MAPK10: variants seen among roughly 807,000 people sequenced by gnomAD.
MAPK10 encodes JNK3 alpha protein kinase.
Under a neutral mutation model 59.3 loss-of-function variants are expected in MAPK10, and 25 were observed. The ratio of observed to expected loss-of-function variants is 0.42; its 90% CI spans 0.31 to 0.59. The LOEUF (loss-of-function observed/expected upper bound fraction) is 0.59. Ranked by LOEUF, MAPK10 falls within the 20% of genes least tolerant of loss-of-function variation. MAPK10 has a pLI of 0.15. For missense variants in MAPK10, 351 were observed against 568.9 expected, an observed-to-expected ratio of 0.62 and a Z score of 3.90; for synonymous variants, 190 against 200.5, an observed-to-expected ratio of 0.95 and a Z score of 0.44.
intron 1 of MAPK10, among the ~76,000 whole-genome samples, chr4:86,392,152 C>A (rs769746716): frequency 1.3e-5 from 2 of 152,046 alleles, no homozygotes. Context: ...GAGGATTCAG[C>A]GTATGGCCAG....
chr4:86,154,255 G>A (rs988195175), intron 4 of MAPK10, among the ~76,000 whole-genome samples: 1 of 151,980 alleles, frequency 6.6e-6, no homozygotes, highest in African/African-American at 2.4e-5. Flanking sequence ...CATATTCTGT[G>A]CTTAAAGATC....
rs1741855033 is a variant in MAPK10 at position 86,013,037 on chromosome 4, A to G, written c.*4191T>C. The stretch of plus-strand genomic sequence containing the variant: ...AAGGATTGGGAGATTTGTGTCCATT[A>G]GAATATACTGGCCATTGGTCCCACA... On this transcript the variant is annotated 3_prime_UTR_variant, in exon 14 of 14. Coordinates refer to ENST00000641462, the MANE Select transcript of MAPK10 (RefSeq NM_138982.4). 6.6e-6 allele frequency: 1 copy of G among 152,200 alleles called. No individual in the cohort carries two copies. Among genetic ancestry groups the G allele is most frequent in the African/African-American group, 2.4e-5 (1 of 41,462 alleles). 9.4% of individuals were successfully genotyped at this position (152,200 alleles called of 1,614,324 possible).
chr4:86,114,205 A>G (rs1353642436), intron 4 of MAPK10, among the ~76,000 whole-genome samples: 1 of 152,180 alleles, frequency 6.6e-6, no homozygotes, highest in Non-Finnish European at 1.5e-5. Flanking sequence ...CCTTTTGAAG[A>G]CTACTTCTGT....
At chr4:86,467,172 A>G (rs1752274301) in intron 1 of MAPK10, among the ~76,000 whole-genome samples, 2 of 152,374 alleles carry the variant, frequency 1.3e-5, no homozygotes, top group South Asian at 4.1e-4. Context: ...ATAGAAGGCC[A>G]CTGTATTGAA....
chr4:86,055,772 CA>C (rs917072172), intron 11 of MAPK10, among the ~76,000 whole-genome samples: 8 of 148,314 alleles, frequency 5.4e-5, no homozygotes, highest in East Asian at 1.9e-4. Flanking sequence ...AAATTTCTAC[CA>C]AAAAAAATCC....
At chr4:86,207,188 T>A (rs2084307914) in intron 2 of MAPK10, among the ~76,000 whole-genome samples, 1 of 151,514 alleles carries the variant, frequency 6.6e-6, no homozygotes, top group Non-Finnish European at 1.5e-5. Context: ...AGGTCTAACG[T>A]TTAAGTCTTT....
intron 1 of MAPK10, among the ~76,000 whole-genome samples, chr4:86,408,469 T>C (rs1218632198): frequency 6.6e-6 from 1 of 152,202 alleles, no homozygotes; most frequent in Admixed American, 6.5e-5. Context: ...CCTTGAGGAA[T>C]TGCCACACTA....
At chr4:86,529,196 C>T (rs1031809136) in intron 1 of MAPK10, among the ~76,000 whole-genome samples, 1 of 152,218 alleles carries the variant, frequency 6.6e-6, no homozygotes, top group African/African-American at 2.4e-5. Context: ...AGAGGTGGCT[C>T]TAAGTTTTCC....
rs76191965 is a variant in MAPK10, at chr4:86,396,886, A to G, written c.-121-42242T>C. ...TTTCAACATGAGATGTGAGCAAACT[A>G]TAACACTTACTAGTAATTTTTATAT... is the stretch of plus-strand genomic sequence containing the variant. On this transcript the variant is annotated intron_variant, in intron 1 of 13. Coordinates refer to the MAPK10 transcript ENST00000361569. Among the ~76,000 whole-genome samples, 1,515 of 152,348 alleles carry G rather than the reference A, an allele frequency of 9.9e-3. 18 individuals carry two copies. Among genetic ancestry groups the G allele is most frequent in the African/African-American group, 0.035 (1,437 of 41,578 alleles).
chr4:86,428,385 C>G (rs964997915), intron 1 of MAPK10, among the ~76,000 whole-genome samples: 6 of 152,106 alleles, frequency 3.9e-5, no homozygotes, highest in Admixed American at 6.5e-5. Flanking sequence ...TTTTGAACCC[C>G]TGTGCTCAAA....
intron 1 of MAPK10, among the ~76,000 whole-genome samples, chr4:86,592,934 A>G (rs191003082): frequency 6.6e-6 from 1 of 152,194 alleles, no homozygotes; most frequent in Admixed American, 6.5e-5. Context: ...CAAGAGTGCT[A>G]GTTTTCTTTC....
rs368982706 is a variant in MAPK10, at chr4:86,023,812, AATATATATATATAT to A, written c.1252+5371_1252+5384del. 231 of 100,428 alleles carry A rather than the reference AATATATATATATAT, an allele frequency of 2.3e-3. 4 individuals are homozygous for A. The highest frequency in any genetic ancestry group is 6.9e-3 in the African/African-American group (167 of 24,362). The allele number at this position is 100,428 out of a possible 1,614,324, so 6.2% of individuals were successfully genotyped here. A position where few individuals can be genotyped will look rare whatever the true frequency, so the allele number is the denominator to read the frequency against. ...TTGGATGTTAAAAACAGATCAAATG[AATATATATATATAT>A]ATATATATATATATATATATATATA... On this transcript the variant is annotated intron_variant, in intron 13 of 13. Coordinates refer to ENST00000641462, the MANE Select transcript of MAPK10 (RefSeq NM_138982.4).
At chr4:86,364,299 T>G (rs895141717), upstream of MAPK10, among the ~76,000 whole-genome samples, 46 of 152,030 alleles carry the variant, frequency 3.0e-4, no homozygotes, top group Non-Finnish European at 1.5e-4. Flanking sequence ...GCTAAATTTT[T>G]TGTGTTTTTG....
At chr4:86,525,605 T>G (rs1446504195) in intron 1 of MAPK10, among the ~76,000 whole-genome samples, 1 of 152,170 alleles carries the variant, frequency 6.6e-6, no homozygotes, top group Non-Finnish European at 1.5e-5. Context: ...TTTATTCAGT[T>G]TCATAACGGA....
At chr4:86,360,142 G>C, upstream of MAPK10, 1 of 985,816 alleles carries the variant, frequency 1.0e-6, no homozygotes, top group Non-Finnish European at 1.2e-6. Flanking sequence ...AAAGCCCAGA[G>C]AGGTCTAGGG....
chr4:86,209,500 A>C (rs1233917500), intron 2 of MAPK10, among the ~76,000 whole-genome samples: 3 of 152,100 alleles, frequency 2.0e-5, no homozygotes, highest in Non-Finnish European at 4.4e-5. Flanking sequence ...CACACCAATC[A>C]GAAACAAAAC....
chr4:86,021,904 C>CGGGG (rs1037894031), intron 13 of MAPK10, among the ~76,000 whole-genome samples: 1 of 152,222 alleles, frequency 6.6e-6, no homozygotes, highest in African/African-American at 2.4e-5. Context: ...GTCCCGAGTG[C>CGGGG]GGGGGCCCGC....
chr4:86,556,103 T>C (rs746689459), intron 1 of MAPK10, among the ~76,000 whole-genome samples: 25 of 152,216 alleles, frequency 1.6e-4, no homozygotes, highest in Admixed American at 3.3e-4. Flanking sequence ...CCTGTGCCGT[T>C]TCAGAAATAG....
chr4:86,428,711 T>C (rs900540028), intron 1 of MAPK10, among the ~76,000 whole-genome samples: 1 of 152,212 alleles, frequency 6.6e-6, no homozygotes, highest in Non-Finnish European at 1.5e-5. Flanking sequence ...CCTTCCACAA[T>C]GTAAGGCTAA....
Sources: gnomAD v4.1 joint callset for allele counts (sites outside exome capture counted in the v4.1 genomes callset) on GRCh38, gnomAD v4.1.1 for gene constraint, MANE v1.5 for transcripts, NCBI Gene and HGNC (gene_info 2026-07-23, HGNC 2026-07-21) for gene names.